Variants in LCT observed in about 807,000 individuals in gnomAD.
LCT encodes lactase/phlorizin hydrolase.
A neutral mutation model predicts 173.0 loss-of-function variants in LCT; 90 were observed. The observed-to-expected ratio is 0.52, with a 90% CI of 0.44 to 0.62. The LOEUF is 0.62. LCT is among the 20% of genes least tolerant of loss of function. LCT has a pLI of 0.00. For missense variants in LCT, 1,864 were observed against 2,431.4 expected (o/e 0.77, Z 4.91); for synonymous variants, 853 against 957.6 (o/e 0.89, Z 2.02).
At chr2:135,810,895 C>G (rs1020446396) in intron 7 of LCT, among the ~76,000 whole-genome samples, 2 of 151,844 alleles carry the variant, frequency 1.3e-5, no homozygotes, top group African/African-American at 4.8e-5. Context: ...GGCGTGGTGA[C>G]GGGAGCCTGT....
Position 135,836,811 on chromosome 2 carries a change from AG to A in LCT, c.358del (p.Leu120SerfsTer46). The A allele has an allele frequency of 1.9e-6, 3 of 1,614,120 alleles. No individual in the cohort carries two copies. The highest frequency in any genetic ancestry group is 2.5e-6 in the Non-Finnish European group (3 of 1,180,010). ...CATGGGCTGAAGCCGTGCAGTCTTGAGGGCCTTGAGGAGTCGCCGGTAGCAC... is the reference window on the plus strand; with the variant it reads ...CATGGGCTGAAGCCGTGCAGTCTTGAGGCCTTGAGGAGTCGCCGGTAGCAC... Reference protein sequence around the residue: ...VQCYRRLLKALKTARLQPMVI... With the variant: ...VQCYRRLLKAXKTARLQPMVI... On this transcript the variant is annotated frameshift_variant, in exon 1 of 17. Coordinates refer to ENST00000264162, the MANE Select transcript of LCT (RefSeq NM_002299.4). LOFTEE classifies it high-confidence loss of function.
chr2:135,803,892 A>G (rs761682043), intron 11 of LCT, 38 bp downstream of exon 11: 6 of 1,570,852 alleles, frequency 3.8e-6, no homozygotes, highest in East Asian at 4.5e-5. Flanking sequence ...TAAGAATGCC[A>G]TGATTCAAAG....
chr2:135,831,662 A>G (rs998617004), intron 2 of LCT, among the ~76,000 whole-genome samples: 10 of 152,234 alleles, frequency 6.6e-5, no homozygotes, highest in African/African-American at 2.4e-4. Flanking sequence ...CCGTGCAATC[A>G]GCCTGGGAGT....
chr2:135,794,656 G>C lies in LCT; in HGVS notation c.5096C>G (p.Ser1699Cys). Residue 1699 changes from serine to cysteine, a missense_variant, in exon 14 of 17, where the codon TCT (serine) becomes TGT (cysteine). Coordinates refer to ENST00000264162, the MANE Select transcript of LCT (RefSeq NM_002299.4). ...YNLNYATAIS[S>C]FDADRGVASI... ...GTGGACTTACCTGTCTGCATCAAAA[G>C]AAGAGATGGCAGTGGCATAGTTGAG... 6.2e-7 allele frequency: 1 copy of C among 1,614,182 alleles called. No individual in the cohort carries two copies. The highest frequency in any genetic ancestry group is 8.5e-7 in the Non-Finnish European group (1 of 1,180,022).
chr2:135,817,323 T>G lies in LCT; in HGVS notation c.1707+18A>C. On this transcript the variant is annotated intron_variant, in intron 6 of 16. Coordinates refer to ENST00000264162, the MANE Select transcript of LCT (RefSeq NM_002299.4). ...CCTTTCTCCTCCAATTAGTAGGAGC[T>G]GCAGGGTTGGGAAGTACCTTAAAAG... The G allele has an allele frequency of 6.2e-7, 1 of 1,612,558 alleles. No homozygotes were observed. Among genetic ancestry groups the G allele is most frequent in the East Asian group, 2.2e-5 (1 of 44,838 alleles).
chr2:135,810,530 T>C (rs2105535595), intron 7 of LCT, among the ~76,000 whole-genome samples: 1 of 152,176 alleles, frequency 6.6e-6, no homozygotes, highest in East Asian at 1.9e-4. Flanking sequence ...TTCAAATAAA[T>C]AGTGGAGGGG....
chr2:135,823,605 A>G (rs1367333744), intron 4 of LCT, among the ~76,000 whole-genome samples: 2 of 152,150 alleles, frequency 1.3e-5, no homozygotes, highest in Admixed American at 6.6e-5. Context: ...GAGGTAATAA[A>G]AGGAGGCAAA....
rs2077507566 is a variant in LCT, at chr2:135,788,280, TGAA to T, written c.*41_*43del. 1 of 1,422,702 alleles carries T rather than the reference TGAA, an allele frequency of 7.0e-7. No individual in the cohort carries two copies. The allele number at this position is 1,422,702 out of a possible 1,614,324, so 88.1% of individuals were successfully genotyped here. A position where few individuals can be genotyped will look rare whatever the true frequency, so the allele number is the denominator to read the frequency against. On this transcript the variant is annotated 3_prime_UTR_variant, in exon 17 of 17. Transcript: ENST00000264162. ...GTGTTTGGTGGCCGGTAAACATAGA[TGAA>T]GAAACTAGGCCTGCTTCATAGAACT...
intron 14 of LCT, chr2:135,794,258 A>T (rs573347178): frequency 1.8e-4 from 33 of 181,118 alleles, no homozygotes; most frequent in African/African-American, 7.3e-4. Flanking sequence ...GTATTATTGT[A>T]ATATTTATTA....
In LCT at chr2:135,832,791, C is replaced by T. The variant is rs141325053; in HGVS notation, c.720+320G>A. Among the ~76,000 whole-genome samples the T allele has an allele frequency of 6.6e-5, 10 of 152,054 alleles. No homozygotes were observed. The East Asian group carries it at 1.9e-3, about 30-fold the overall frequency. ...GAGCCACCGTGTTTGGCCAGGTGCA[C>T]ATTTTTGAAAAACCCCTTTACCCTA... On this transcript the variant is annotated intron_variant, in intron 2 of 16. Coordinates refer to ENST00000264162, the MANE Select transcript of LCT (RefSeq NM_002299.4).
At chr2:135,826,354 C>T (rs368325482) in intron 3 of LCT, among the ~76,000 whole-genome samples, 5 of 146,346 alleles carry the variant, frequency 3.4e-5, no homozygotes, top group African/African-American at 1.3e-4. Flanking sequence ...GCCAGGAGTT[C>T]GAGACCAGCC....
rs925362034 is a variant in LCT, at chr2:135,824,136, A to C, written c.805-133T>G. On this transcript the variant is annotated intron_variant, in intron 3 of 16. Coordinates refer to ENST00000264162, the MANE Select transcript of LCT (RefSeq NM_002299.4). ...AAATGACCTCTAAGTATCTCAGTTA[A>C]TTAAAGGAGTCAACTCTAGACTCTG... 6 of 709,774 alleles carry C rather than the reference A, an allele frequency of 8.5e-6. No individual in the cohort carries two copies. The East Asian group carries it at 1.6e-4, about 19-fold the overall frequency. 44.0% of individuals were successfully genotyped at this position (709,774 alleles called of 1,614,324 possible).
chr2:135,814,595 C>T (rs544029101), intron 6 of LCT, among the ~76,000 whole-genome samples: 5 of 151,884 alleles, frequency 3.3e-5, no homozygotes, highest in African/African-American at 1.2e-4. Flanking sequence ...CGGCTCACCA[C>T]AACCTCTACC....
Position 135,790,956 on chromosome 2 carries a change from G to T in LCT, c.5112-75C>A. On this transcript the variant is annotated intron_variant, in intron 14 of 16. Transcript: ENST00000264162. The surrounding 1 kb of genome is among the most constrained non-coding windows in gnomAD (Gnocchi z 4.1). ...GGCCCTTTACACGAAACACAAAACA[G>T]GACTTAGACCAGGAAAAGCCTTAGG... 9.2e-7 allele frequency: 1 copy of T among 1,092,512 alleles called. No individual in the cohort carries two copies. Among genetic ancestry groups the T allele is most frequent in the South Asian group, 1.3e-5 (1 of 78,702 alleles). The allele number at this position is 1,092,512 out of a possible 1,614,324, so 67.7% of individuals were successfully genotyped here. A position where few individuals can be genotyped will look rare whatever the true frequency, so the allele number is the denominator to read the frequency against.
chr2:135,822,366 G>C (rs1437445513), intron 4 of LCT: 1 of 449,116 alleles, frequency 2.2e-6, no homozygotes, highest in East Asian at 4.6e-5. Context: ...CCCACCCCAA[G>C]AGTGTCTGAT....
At chr2:135,806,576 A>G (rs963229771) in intron 9 of LCT, among the ~76,000 whole-genome samples, 4 of 152,144 alleles carry the variant, frequency 2.6e-5, no homozygotes, top group Non-Finnish European at 5.9e-5. Context: ...CTTTTATGCC[A>G]TATTTTCACT....
chr2:135,806,037 C>T (rs2077668184), intron 9 of LCT, among the ~76,000 whole-genome samples: 1 of 152,078 alleles, frequency 6.6e-6, no homozygotes, highest in African/African-American at 2.4e-5. Flanking sequence ...ATAAAAAATT[C>T]ATTGGGTGTG....
At chr2:135,834,308 C>T (rs1415934968) in intron 1 of LCT, among the ~76,000 whole-genome samples, 1 of 151,850 alleles carries the variant, frequency 6.6e-6, no homozygotes, top group Non-Finnish European at 1.5e-5. Context: ...GCCTCAGCCT[C>T]CTGAGTAGCT....
rs1209995067 is a variant in LCT, at chr2:135,817,495, G to T, written c.1553C>A (p.Ala518Asp). The T allele has an allele frequency of 1.2e-6, 2 of 1,614,188 alleles. No individual in the cohort carries two copies. Among genetic ancestry groups the T allele is most frequent in the Admixed American group, 3.3e-5 (2 of 60,018 alleles). Reference protein sequence around the residue: ...GGWQNESVVDAFLDYAAFCFS... With the variant: ...GGWQNESVVDDFLDYAAFCFS... ...GCAGAAGGCCGCATAGTCCAGGAAG[G>T]CATCCACCACGCTCTCATTCTGCCA... Residue 518 changes from alanine (A) to aspartate (D), a missense_variant, in exon 6 of 17, where the codon GCC becomes GAC. Around this residue, in one of 4 missense-constraint regions of LCT, gnomAD observed 183 missense variants for 293.1 expected, o/e 0.62. Coordinates refer to ENST00000264162, the MANE Select transcript of LCT (RefSeq NM_002299.4).
Sources: allele counts gnomAD v4.1 joint callset (sites outside exome capture counted in the v4.1 genomes callset), GRCh38; gene constraint gnomAD v4.1.1; regional missense constraint gnomAD v4.1.1; non-coding constraint Gnocchi (gnomAD v3.1); transcripts MANE v1.5; gene names NCBI Gene and HGNC (gene_info 2026-07-23, HGNC 2026-07-21).